The following CHSY3 variants were observed in gnomAD, a reference collection of about 807,000 sequenced individuals.
CHSY3 encodes the protein N-acetylgalactosaminyl-proteoglycan 3-beta-glucuronosyltransferase 3.
A neutral mutation model predicts 67.2 loss-of-function variants in CHSY3; 35 were observed. The ratio of observed to expected loss-of-function variants is 0.52; its 90% CI spans 0.40 to 0.69. CHSY3 has a LOEUF of 0.69. CHSY3 is among the 30% of genes least tolerant of loss of function. CHSY3 has a pLI of 0.00. For missense variants in CHSY3, 1,069 were observed against 1,138.5 expected (o/e 0.94, Z 0.88); for synonymous variants, 474 against 434.7 (o/e 1.09, Z -1.12).
intron 2 of CHSY3, among the ~76,000 whole-genome samples, chr5:130,050,639 C>T (rs996107506): frequency 2.4e-4 from 36 of 151,988 alleles, no homozygotes; most frequent in Middle Eastern, 3.2e-3. Context: ...ATGAAAAGAA[C>T]GTGGGCACTG....
At chr5:129,973,261 C>T (rs1762696641) in intron 2 of CHSY3, among the ~76,000 whole-genome samples, 2 of 152,004 alleles carry the variant, frequency 1.3e-5, no homozygotes, top group African/African-American at 4.8e-5. Context: ...AACATATTAT[C>T]CTTGTATTTC....
chr5:129,926,290 T>C (rs1761106972), intron 2 of CHSY3, among the ~76,000 whole-genome samples: 1 of 152,070 alleles, frequency 6.6e-6, no homozygotes, highest in Admixed American at 6.5e-5. Context: ...ATTTTTGTAA[T>C]ACAGAATCAT....
At chr5:130,057,845 C>T (rs981641533) in intron 2 of CHSY3, among the ~76,000 whole-genome samples, 1 of 152,092 alleles carries the variant, frequency 6.6e-6, no homozygotes, top group African/African-American at 2.4e-5. Context: ...ATCTGTTTCT[C>T]CCACCTCCTT....
chr5:129,937,265 CT>C (rs1268400454), intron 2 of CHSY3, among the ~76,000 whole-genome samples: 1 of 152,192 alleles, frequency 6.6e-6, no homozygotes, highest in Non-Finnish European at 1.5e-5. Flanking sequence ...GCAGGCACAT[CT>C]TCACATGGCT....
chr5:129,957,700 A>T (rs1268637950), intron 2 of CHSY3, among the ~76,000 whole-genome samples: 11 of 152,138 alleles, frequency 7.2e-5, no homozygotes, highest in Non-Finnish European at 1.5e-4. Context: ...TCATTTGGAA[A>T]TCATTACTTC....
At position 129,931,633 on chromosome 5, in the gene CHSY3, G is replaced by A. The variant is rs566803524; in HGVS notation, c.1086+23273G>A. On this transcript the variant is annotated intron_variant, in intron 2 of 2. Transcript: ENST00000305031. ...GTATAGGTGATGTATAGATATATAG[G>A]CCGTTACTAAATGATGCTGTTAGGG... is the stretch of plus-strand genomic sequence containing the variant. Among the ~76,000 whole-genome samples, 4 of 152,200 alleles carry A rather than the reference G, an allele frequency of 2.6e-5. No homozygotes were observed. In the East Asian group the frequency reaches 5.8e-4, roughly 22 times the overall value.
intron 2 of CHSY3, among the ~76,000 whole-genome samples, chr5:130,050,304 A>T (rs1337084758): frequency 1.3e-5 from 2 of 152,116 alleles, no homozygotes; most frequent in Non-Finnish European, 2.9e-5. Flanking sequence ...CATTATCTTT[A>T]CCTGTTCAAA....
intron 2 of CHSY3, among the ~76,000 whole-genome samples, chr5:129,914,118 C>T (rs1410407309): frequency 1.3e-5 from 2 of 150,822 alleles, no homozygotes; most frequent in East Asian, 3.9e-4. Flanking sequence ...ATAAATTTCC[C>T]TTTTTTTTTG....
intron 2 of CHSY3, among the ~76,000 whole-genome samples, chr5:129,987,328 A>G (rs1763234660): frequency 6.6e-6 from 1 of 152,184 alleles, no homozygotes; most frequent in South Asian, 2.1e-4. Context: ...AAAGTAAAAC[A>G]TTTCTCATTT....
At chr5:130,051,332 T>A (rs555405767) in intron 2 of CHSY3, among the ~76,000 whole-genome samples, 1 of 152,154 alleles carries the variant, frequency 6.6e-6, no homozygotes, top group Non-Finnish European at 1.5e-5. Context: ...ATAGAACTTT[T>A]TTTTAAAGGA....
intron 2 of CHSY3, among the ~76,000 whole-genome samples, chr5:129,964,948 A>G (rs1028940512): frequency 6.6e-6 from 1 of 151,902 alleles, no homozygotes; most frequent in African/African-American, 2.4e-5. Flanking sequence ...TATTTGAAAT[A>G]TAGTTAGTCT....
chr5:130,081,281 G>A (rs1302805388), intron 2 of CHSY3, among the ~76,000 whole-genome samples: 3 of 151,460 alleles, frequency 2.0e-5, no homozygotes, highest in Non-Finnish European at 2.9e-5. Flanking sequence ...CTGTGCTTTG[G>A]GTGGGACAGA....
intron 2 of CHSY3, among the ~76,000 whole-genome samples, chr5:129,918,388 G>T (rs1370919818): frequency 6.6e-6 from 1 of 152,112 alleles, no homozygotes; most frequent in African/African-American, 2.4e-5. Flanking sequence ...ATGGACGAAG[G>T]TATCAGAACT....
chr5:130,149,192 T>G (rs1769161183), intron 2 of CHSY3, among the ~76,000 whole-genome samples: 1 of 152,208 alleles, frequency 6.6e-6, no homozygotes, highest in African/African-American at 2.4e-5. Context: ...TTCAGGTATC[T>G]TTATAGCAAG....
intron 2 of CHSY3, among the ~76,000 whole-genome samples, chr5:130,124,602 C>T (rs546503947): frequency 6.6e-6 from 1 of 152,014 alleles, no homozygotes; most frequent in Admixed American, 6.6e-5. Flanking sequence ...ATTACAGGCG[C>T]CCACCACCAC....
At chr5:130,177,876 A>G (rs1770102704) in intron 2 of CHSY3, among the ~76,000 whole-genome samples, 1 of 151,994 alleles carries the variant, frequency 6.6e-6, no homozygotes, top group African/African-American at 2.4e-5. Flanking sequence ...TTCTGGAACT[A>G]CTGTTATTTG....
chr5:130,084,942 A>G (rs1456386179), intron 2 of CHSY3, among the ~76,000 whole-genome samples: 3 of 151,998 alleles, frequency 2.0e-5, no homozygotes, highest in Admixed American at 2.0e-4. Context: ...AATAGATTGT[A>G]AATGTTTCTT....
chr5:130,066,949 T>C (rs1258231572), intron 2 of CHSY3, among the ~76,000 whole-genome samples: 1 of 152,166 alleles, frequency 6.6e-6, no homozygotes, highest in Non-Finnish European at 1.5e-5. Flanking sequence ...TTTTCAGTGA[T>C]CTGCTAATGT....
chr5:130,032,715 T>A (rs1764737627), intron 2 of CHSY3, among the ~76,000 whole-genome samples: 1 of 152,084 alleles, frequency 6.6e-6, no homozygotes, highest in Admixed American at 6.6e-5. Flanking sequence ...CAAAGCTGAA[T>A]ACGAATGAGA....
Sources: allele counts gnomAD v4.1 joint callset (sites outside exome capture counted in the v4.1 genomes callset), GRCh38; gene constraint gnomAD v4.1.1; transcripts MANE v1.5; gene names NCBI Gene and HGNC (gene_info 2026-07-23, HGNC 2026-07-21).